RASSF4: variants seen among roughly 807,000 people sequenced by gnomAD.
RASSF4 encodes Ras association domain family member 4.
In RASSF4, 38 loss-of-function variants were observed where a neutral mutation model predicts 41.1. The ratio of observed to expected loss-of-function variants is 0.92; its 90% CI spans 0.71 to 1.21. The LOEUF (loss-of-function observed/expected upper bound fraction) is 1.21, where lower values mean the gene tolerates loss of function less well. Ranked by LOEUF, RASSF4 falls within the 50% of genes most tolerant of loss-of-function variation. The pLI is 0.00. For synonymous variants in RASSF4, 179 were observed against 163.4 expected, an observed-to-expected ratio of 1.10 and a Z score of -0.73; for missense variants, 414 against 419.4, an observed-to-expected ratio of 0.99 and a Z score of 0.11.
At chr10:44,992,105 C>T in intron 10 of RASSF4, 103 bp downstream of exon 10, 1 of 713,832 alleles carries the variant, frequency 1.4e-6, no homozygotes, top group Admixed American at 2.5e-5. Context: ...TCCATGGGCA[C>T]CAGTACCCTG....
At chr10:44,976,026 G>T (rs1841411315) in intron 3 of RASSF4, 2 of 152,236 alleles carry the variant, frequency 1.3e-5, no homozygotes, top group African/African-American at 4.8e-5. Context: ...CTCTCCCGAG[G>T]ATGATGATTG....
intron 1 of RASSF4, among the ~76,000 whole-genome samples, chr10:44,968,035 G>A (rs1840976034): frequency 6.6e-6 from 1 of 152,234 alleles, no homozygotes; most frequent in African/African-American, 2.4e-5. Context: ...AACTTGCTCA[G>A]TGAGCCCAGG....
chr10:44,980,541 G>T (rs1439056298), intron 3 of RASSF4, among the ~76,000 whole-genome samples: 1 of 152,190 alleles, frequency 6.6e-6, no homozygotes, highest in Non-Finnish European at 1.5e-5. Flanking sequence ...CCCCAGTACA[G>T]CCAAGCCCCC....
chr10:44,971,542 G>T, intron 2 of RASSF4: 2 of 669,006 alleles, frequency 3.0e-6, no homozygotes, highest in East Asian at 2.9e-5. Context: ...CCTGTCCCGT[G>T]AGTCTCGCCT....
At chr10:44,979,268 G>A (rs1351656377) in intron 3 of RASSF4, among the ~76,000 whole-genome samples, 5 of 152,202 alleles carry the variant, frequency 3.3e-5, no homozygotes, top group Non-Finnish European at 7.3e-5. Context: ...GCTCGCAAGG[G>A]ACCAAGGGCG....
intron 3 of RASSF4, among the ~76,000 whole-genome samples, chr10:44,972,522 T>C (rs1027100391): frequency 6.6e-6 from 1 of 152,226 alleles, no homozygotes; most frequent in African/African-American, 2.4e-5. Flanking sequence ...TGAAACATCA[T>C]GTGGGCTAAA....
intron 4 of RASSF4, 124 bp from the exon 5 acceptor site, chr10:44,983,898 C>T: frequency 6.6e-7 from 1 of 1,511,220 alleles, no homozygotes; most frequent in Non-Finnish European, 8.9e-7. Context: ...AAATCCAGGC[C>T]TCACCTCAGC....
intron 3 of RASSF4, among the ~76,000 whole-genome samples, chr10:44,975,845 A>G (rs992908872): frequency 6.6e-6 from 1 of 151,818 alleles, no homozygotes; most frequent in Admixed American, 6.6e-5. Context: ...AGACCTCCCC[A>G]GATGCAGCGA....
intron 3 of RASSF4, among the ~76,000 whole-genome samples, chr10:44,980,278 G>A (rs138178334): frequency 8.3e-4 from 127 of 152,338 alleles, no homozygotes; most frequent in African/African-American, 3.0e-3. Flanking sequence ...TTCTCACCTT[G>A]CCCAAGCTCT....
At chr10:44,973,878 A>G (rs1405182456) in intron 3 of RASSF4, among the ~76,000 whole-genome samples, 1 of 152,222 alleles carries the variant, frequency 6.6e-6, no homozygotes, top group Non-Finnish European at 1.5e-5. Context: ...ACAGCCCTTA[A>G]TGATAGAAAG....
intron 5 of RASSF4, 47 bp downstream of exon 5, chr10:44,984,160 A>G: frequency 6.6e-7 from 1 of 1,507,810 alleles, no homozygotes; most frequent in Non-Finnish European, 8.9e-7. Context: ...CATCCGGGGT[A>G]GGAGCAGAGG....
rs1388762445 is a variant in RASSF4, at chr10:44,994,121, T to C, written c.*792T>C. Reference sequence around the variant, plus strand: ...AGCCCCATCACCACTGTCCCGTGGATGCCTGTGTACCTCTTGCCTTTTCTG... The same window carrying C: ...AGCCCCATCACCACTGTCCCGTGGACGCCTGTGTACCTCTTGCCTTTTCTG... On this transcript the variant is annotated 3_prime_UTR_variant, in exon 11 of 11. Coordinates refer to ENST00000340258, the MANE Select transcript of RASSF4 (RefSeq NM_032023.4). The C allele has an allele frequency of 6.6e-6, 1 of 152,318 alleles. No homozygotes were observed. Among genetic ancestry groups the C allele is most frequent in the Non-Finnish European group, 1.5e-5 (1 of 68,086 alleles). 9.4% of individuals were successfully genotyped at this position (152,318 alleles called of 1,614,324 possible). A position where few individuals can be genotyped will look rare whatever the true frequency, so the allele number is the denominator to read the frequency against.
At chr10:44,972,133 G>A (rs1197525729) in intron 3 of RASSF4, among the ~76,000 whole-genome samples, 3 of 151,924 alleles carry the variant, frequency 2.0e-5, no homozygotes, top group South Asian at 4.2e-4. Flanking sequence ...CCCTTCCCCC[G>A]AGACCTTTGT....
At chr10:44,983,745 A>C in intron 4 of RASSF4, 1 of 454,270 alleles carries the variant, frequency 2.2e-6, no homozygotes, top group Non-Finnish European at 4.0e-6. Flanking sequence ...GGCCCTGACT[A>C]TGTTCATGTG....
chr10:44,980,437 A>G (rs1395084393), intron 3 of RASSF4, among the ~76,000 whole-genome samples: 3 of 152,190 alleles, frequency 2.0e-5, no homozygotes, highest in Non-Finnish European at 4.4e-5. Context: ...GATGCGGCCA[A>G]GCTGGGGGAG....
intron 3 of RASSF4, among the ~76,000 whole-genome samples, chr10:44,979,653 A>T (rs1017157998): frequency 1.3e-5 from 2 of 152,148 alleles, no homozygotes; most frequent in African/African-American, 4.8e-5. Flanking sequence ...CAGGGGCAGC[A>T]CGTGCAAAGC....
At chr10:44,977,674 C>T in intron 3 of RASSF4, 1 of 1,612,932 alleles carries the variant, frequency 6.2e-7, no homozygotes, top group East Asian at 2.2e-5. Context: ...GCAGGTCCCT[C>T]TGGCTTGGCT....
At chr10:44,989,593 G>A (rs2132803917) in intron 7 of RASSF4, 77 bp from the exon 8 acceptor site, 1 of 1,329,530 alleles carries the variant, frequency 7.5e-7, no homozygotes, top group Non-Finnish European at 1.1e-6. Context: ...TGGGGGTGTA[G>A]TTACTGTCAG....
intron 1 of RASSF4, among the ~76,000 whole-genome samples, chr10:44,965,925 A>G (rs1840886575): frequency 6.6e-6 from 1 of 152,176 alleles, no homozygotes; most frequent in Non-Finnish European, 1.5e-5. Context: ...TGTGTCCTAT[A>G]AATAAGCAGG....
Sources: gnomAD v4.1 joint callset for allele counts (sites outside exome capture counted in the v4.1 genomes callset) on GRCh38, gnomAD v4.1.1 for gene constraint, MANE v1.5 for transcripts, NCBI Gene and HGNC (gene_info 2026-07-23, HGNC 2026-07-21) for gene names.